Variants in MAP3K20 observed in about 807,000 individuals in gnomAD.
MAP3K20 encodes mitogen-activated protein kinase kinase kinase 20.
A neutral mutation model predicts 85.7 loss-of-function variants in MAP3K20; 40 were observed. That is an observed-to-expected ratio of 0.47 (90% CI 0.36 to 0.61). The LOEUF is 0.61. MAP3K20 is among the 20% of genes least tolerant of loss of function. The probability of loss-of-function intolerance (pLI) is 0.00; values close to 1 mark genes in which losing one functional copy is unlikely to be tolerated. For synonymous variants in MAP3K20, 325 were observed against 327.7 expected (o/e 0.99, Z 0.09); for missense variants, 817 against 961.7 (o/e 0.85, Z 1.99).
rs761899372 is a variant in MAP3K20, at chr2:173,266,528, G to A, written c.2181G>A (p.Ser727=). 15 of 1,613,724 alleles carry A rather than the reference G, an allele frequency of 9.3e-6. No individual in the cohort carries two copies. The African/African-American group carries it at 1.1e-4, about 11-fold the overall frequency. Residue 727 remains serine, a synonymous_variant, in exon 20 of 20, where the codon TCG becomes TCA. Transcript: ENST00000375213. ...VSQSALNPHQ[S]PDFKRSPRDL... ...AGTCAGCACTCAATCCTCACCAGTC[G>A]CCTGACTTCAAGAGAAGCCCCAGGG...
At chr2:173,236,266 T>TTAA (rs1441826312) in intron 14 of MAP3K20, among the ~76,000 whole-genome samples, 3 of 64,706 alleles carry the variant, frequency 4.6e-5, no homozygotes, top group African/African-American at 1.4e-4. Context: ...AGACCCTGTC[T>TTAA]AAAAAAAAAA....
At chr2:173,248,432 A>C (rs547829110) in intron 16 of MAP3K20, among the ~76,000 whole-genome samples, 16 of 152,368 alleles carry the variant, frequency 1.1e-4, no homozygotes, top group African/African-American at 3.6e-4. Flanking sequence ...ATGAGAAAGA[A>C]ACACAAGTTT....
At chr2:173,126,215 A>AT (rs1401208998) in intron 2 of MAP3K20, among the ~76,000 whole-genome samples, 1 of 152,190 alleles carries the variant, frequency 6.6e-6, no homozygotes, top group African/African-American at 2.4e-5. Flanking sequence ...ATTTATATAA[A>AT]TTAGAGTATT....
chr2:173,227,710 CT>C (rs1420035576), intron 11 of MAP3K20, among the ~76,000 whole-genome samples: 1 of 152,122 alleles, frequency 6.6e-6, no homozygotes, highest in Non-Finnish European at 1.5e-5. Context: ...AAAAATACTT[CT>C]TTCTCAATTT....
chr2:173,236,239 G>T (rs1684643844), intron 14 of MAP3K20, among the ~76,000 whole-genome samples: 1 of 121,524 alleles, frequency 8.2e-6, no homozygotes, highest in Admixed American at 1.1e-4. Context: ...CTGCACTACA[G>T]CCTGGGCAAT....
At chr2:173,081,494 C>T (rs1024700795) in intron 1 of MAP3K20, among the ~76,000 whole-genome samples, 2 of 152,158 alleles carry the variant, frequency 1.3e-5, no homozygotes, top group African/African-American at 4.8e-5. Context: ...CCCAATACTG[C>T]ATGGGGTAGT....
At chr2:173,186,548 A>ATAG (rs60341316) in intron 4 of MAP3K20, among the ~76,000 whole-genome samples, 140,705 of 151,974 alleles carry the variant, frequency 0.93, 65,751 homozygotes, top group Non-Finnish European at 0.98. Context: ...CATAATTAAA[A>ATAG]TAGAAGAATA....
chr2:173,143,777 T>A (rs184821289), intron 2 of MAP3K20, among the ~76,000 whole-genome samples: 279 of 152,302 alleles, frequency 1.8e-3, no homozygotes, highest in Non-Finnish European at 3.0e-3. Flanking sequence ...AAAAATTTTT[T>A]AAAAATCTAC....
chr2:173,156,746 C>T (rs1446109508), intron 2 of MAP3K20, among the ~76,000 whole-genome samples: 1 of 152,182 alleles, frequency 6.6e-6, no homozygotes, highest in Non-Finnish European at 1.5e-5. Flanking sequence ...TAACAGACCA[C>T]TGTTGGTACC....
intron 16 of MAP3K20, among the ~76,000 whole-genome samples, chr2:173,242,941 G>A (rs1325145916): frequency 6.6e-6 from 1 of 151,874 alleles, no homozygotes; most frequent in Non-Finnish European, 1.5e-5. Flanking sequence ...TCCTGACCTC[G>A]TGATCCACCC....
intron 16 of MAP3K20, among the ~76,000 whole-genome samples, chr2:173,246,644 C>T (rs1684920767): frequency 6.6e-6 from 1 of 152,176 alleles, no homozygotes; most frequent in Non-Finnish European, 1.5e-5. Flanking sequence ...TAGGAAGGAA[C>T]TCTTTGGGGA....
At chr2:173,087,904 A>G (rs1192526581) in intron 1 of MAP3K20, among the ~76,000 whole-genome samples, 1 of 152,180 alleles carries the variant, frequency 6.6e-6, no homozygotes. Flanking sequence ...TGCGAAATCC[A>G]AAGACAAGGT....
At chr2:173,226,940 A>G in intron 11 of MAP3K20, 3 of 985,134 alleles carry the variant, frequency 3.0e-6, no homozygotes, top group Non-Finnish European at 3.6e-6. Flanking sequence ...ATCTTGTATA[A>G]TGTTTGTATG....
At chr2:173,085,584 T>G (rs1256798951) in intron 1 of MAP3K20, among the ~76,000 whole-genome samples, 1 of 152,164 alleles carries the variant, frequency 6.6e-6, no homozygotes, top group East Asian at 1.9e-4. Context: ...TTATTGATTT[T>G]CAACATTTAC....
At chr2:173,125,269 A>G (rs910399759) in intron 2 of MAP3K20, among the ~76,000 whole-genome samples, 4 of 152,176 alleles carry the variant, frequency 2.6e-5, no homozygotes, top group East Asian at 3.8e-4. Flanking sequence ...CACTTTAACT[A>G]TGTAATATGT....
At chr2:173,233,382 A>C (rs1420917534) in intron 14 of MAP3K20, among the ~76,000 whole-genome samples, 2 of 152,226 alleles carry the variant, frequency 1.3e-5, no homozygotes, top group Non-Finnish European at 2.9e-5. Flanking sequence ...TTAACTGTTA[A>C]GTAGTTTCAA....
intron 9 of MAP3K20, among the ~76,000 whole-genome samples, chr2:173,209,069 G>A (rs1286500105): frequency 6.6e-6 from 1 of 152,074 alleles, no homozygotes; most frequent in Non-Finnish European, 1.5e-5. Context: ...CTTTAAAATT[G>A]GGGTTTTTTC....
At chr2:173,154,023 T>G (rs1329624437) in intron 2 of MAP3K20, among the ~76,000 whole-genome samples, 1 of 151,922 alleles carries the variant, frequency 6.6e-6, no homozygotes, top group African/African-American at 2.4e-5. Context: ...CCACCGAAAT[T>G]TGACATAAAT....
intron 11 of MAP3K20, among the ~76,000 whole-genome samples, chr2:173,219,139 T>C (rs1266745519): frequency 6.6e-6 from 1 of 152,258 alleles, no homozygotes; most frequent in Non-Finnish European, 1.5e-5. Context: ...TGTCCTCACA[T>C]CAGTTTCTGT....
Sources: allele counts gnomAD v4.1 joint callset (sites outside exome capture counted in the v4.1 genomes callset), GRCh38; gene constraint gnomAD v4.1.1; transcripts MANE v1.5; gene names NCBI Gene and HGNC (gene_info 2026-07-23, HGNC 2026-07-21).